Variants in SULF1 observed in about 807,000 individuals in gnomAD.
SULF1 encodes the protein extracellular sulfatase Sulf-1.
A neutral mutation model predicts 110.5 loss-of-function variants in SULF1; 46 were observed. The ratio of observed to expected loss-of-function variants is 0.42; its 90% CI spans 0.33 to 0.53. The LOEUF (loss-of-function observed/expected upper bound fraction) is 0.53. SULF1 is among the 20% of genes least tolerant of loss of function. The pLI is 0.12. For missense variants in SULF1, 941 were observed against 1,094.2 expected (o/e 0.86, Z 1.98); for synonymous variants, 371 against 387.1 (o/e 0.96, Z 0.49).
chr8:69,515,257 A>G (rs150573484), intron 3 of SULF1, among the ~76,000 whole-genome samples: 3 of 152,130 alleles, frequency 2.0e-5, no homozygotes, highest in African/African-American at 7.2e-5. Context: ...AAGCTCCCAT[A>G]CCTCAACCCT....
chr8:69,477,644 C>T (rs939364086), intron 1 of SULF1, among the ~76,000 whole-genome samples: 1 of 152,042 alleles, frequency 6.6e-6, no homozygotes, highest in Admixed American at 6.6e-5. Context: ...GAAAAAGAGG[C>T]AGGGTGGTAC....
chr8:69,612,616 AT>A (rs1212155537), intron 13 of SULF1, among the ~76,000 whole-genome samples: 1 of 151,954 alleles, frequency 6.6e-6, no homozygotes, highest in African/African-American at 2.4e-5. Flanking sequence ...GATGTTGAGT[AT>A]TTTTTCATGC....
At chr8:69,560,882 G>A (rs1222879334) in intron 3 of SULF1, among the ~76,000 whole-genome samples, 1 of 152,182 alleles carries the variant, frequency 6.6e-6, no homozygotes, top group Non-Finnish European at 1.5e-5. Flanking sequence ...ATAGAGAGAG[G>A]ACTCGTGCTG....
chr8:69,545,175 T>C (rs1814167752), intron 3 of SULF1, among the ~76,000 whole-genome samples: 1 of 99,060 alleles, frequency 1.0e-5, no homozygotes, highest in Admixed American at 1.0e-4. Context: ...AAAATATTAG[T>C]TGAGTTTGGA....
At chr8:69,559,980 T>A (rs1727747128) in intron 3 of SULF1, among the ~76,000 whole-genome samples, 1 of 152,200 alleles carries the variant, frequency 6.6e-6, no homozygotes, top group African/African-American at 2.4e-5. Flanking sequence ...TACCTACTAT[T>A]GCTTTTATGC....
At chr8:69,507,600 G>A (rs1811284787) in intron 3 of SULF1, among the ~76,000 whole-genome samples, 1 of 152,106 alleles carries the variant, frequency 6.6e-6, no homozygotes, top group Non-Finnish European at 1.5e-5. Flanking sequence ...GCATTAAATA[G>A]GGCTTAAAAC....
At chr8:69,504,720 G>A (rs1278366530) in intron 3 of SULF1, among the ~76,000 whole-genome samples, 1 of 151,946 alleles carries the variant, frequency 6.6e-6, no homozygotes, top group African/African-American at 2.4e-5. Flanking sequence ...CAAATTTAAT[G>A]TTTGGCTTCA....
chr8:69,469,810 G>A (rs1809007016), intron 1 of SULF1, among the ~76,000 whole-genome samples: 2 of 152,250 alleles, frequency 1.3e-5, no homozygotes. Context: ...GGGAGGCCGA[G>A]GCGGGTGGAT....
At position 69,576,104 on chromosome 8, in the gene SULF1, C is replaced by A. The variant is rs200955613; in HGVS notation, c.307C>A (p.His103Asn). 1.9e-6 allele frequency: 3 copies of A among 1,614,168 alleles called. No individual in the cohort carries two copies. Among genetic ancestry groups the A allele is most frequent in the Non-Finnish European group, 2.5e-6 (3 of 1,180,038 alleles). Residue 103 changes from histidine to asparagine, a missense_variant, in exon 6 of 23, where the codon CAC (histidine) becomes AAC (asparagine). This residue lies in a region of SULF1 where 822 missense variants were observed against 934.3 expected (regional missense o/e 0.88). Coordinates refer to ENST00000402687, the MANE Select transcript of SULF1 (RefSeq NM_001128205.2). ...SMLTGKYVHN[H>N]NVYTNNENCS... ...GCTCACCGGGAAGTATGTGCACAAT[C>A]ACAATGTCTACACCAACAACGAGAA...
At chr8:69,531,831 G>T (rs780443063) in intron 3 of SULF1, among the ~76,000 whole-genome samples, 5 of 152,020 alleles carry the variant, frequency 3.3e-5, no homozygotes, top group African/African-American at 1.2e-4. Context: ...GTTTCTGCTT[G>T]TAGTGGCTCC....
At chr8:69,593,631 A>G (rs1160143773) in intron 8 of SULF1, among the ~76,000 whole-genome samples, 1 of 152,174 alleles carries the variant, frequency 6.6e-6, no homozygotes, top group African/African-American at 2.4e-5. Flanking sequence ...GGTAGAGCTT[A>G]TGCTTACCAA....
At chr8:69,490,934 C>A (rs1809910249), upstream of SULF1, among the ~76,000 whole-genome samples, 1 of 152,176 alleles carries the variant, frequency 6.6e-6, no homozygotes, top group African/African-American at 2.4e-5. Context: ...GAGAGATGAT[C>A]CTACACTTGA....
chr8:69,625,929 T>C (rs1809974585), intron 15 of SULF1: 1 of 152,176 alleles, frequency 6.6e-6, no homozygotes, highest in South Asian at 2.1e-4. Context: ...CTGAGCTAGA[T>C]ACAAAGGTTC....
chr8:69,588,494 G>C lies in SULF1; in HGVS notation c.565-478G>C, dbSNP rs116482748. Among the ~76,000 whole-genome samples, 1,058 of 152,088 alleles carry C rather than the reference G, an allele frequency of 7.0e-3. 9 individuals are homozygous for C. The highest frequency in any genetic ancestry group is 0.024 in the African/African-American group (1,007 of 41,482). Reference sequence around the variant, plus strand: ...TTCTTGTGTTTATGTATTCATGGGCGTGTGTGTGTGAGCGTGTGTGTATGT... The same window carrying C: ...TTCTTGTGTTTATGTATTCATGGGCCTGTGTGTGTGAGCGTGTGTGTATGT... On this transcript the variant is annotated intron_variant, in intron 7 of 22. Transcript: ENST00000402687.
chr8:69,525,470 A>G (rs1812595540), intron 3 of SULF1, among the ~76,000 whole-genome samples: 1 of 152,164 alleles, frequency 6.6e-6, no homozygotes, highest in South Asian at 2.1e-4. Context: ...TCATTTTACA[A>G]ATCAGTAAAC....
intron 22 of SULF1, chr8:69,642,509 AC>A: frequency 1.7e-6 from 1 of 588,906 alleles, no homozygotes; most frequent in Non-Finnish European, 2.1e-6. Context: ...AGAGCAGAAG[AC>A]CCCATCCTTG....
chr8:69,470,585 T>C (rs1412412289), intron 1 of SULF1, among the ~76,000 whole-genome samples: 1 of 152,048 alleles, frequency 6.6e-6, no homozygotes, highest in Non-Finnish European at 1.5e-5. Context: ...CCCAGCGCAA[T>C]GATCATCTCA....
At position 69,629,613 on chromosome 8, in the gene SULF1, A is replaced by G; in HGVS notation, c.2218A>G (p.Ser740Gly). The G allele has an allele frequency of 6.2e-7, 1 of 1,614,008 alleles. No homozygotes were observed. Among genetic ancestry groups the G allele is most frequent in the Non-Finnish European group, 8.5e-7 (1 of 1,179,940 alleles). ...ACGGCAGAGGAAGGGGGAAGAGTGC[A>G]GCCTGCCTGGCCTCACTTGCTTCAC... ...KRRQRKGEEC[S>G]LPGLTCFTHD... The change falls in exon 19 of 23, where the codon AGC becomes GGC. Residue 740 changes from serine to glycine, a missense_variant. Physicochemically the swap from Ser to Gly is moderately conservative, Grantham distance 56. Coordinates refer to ENST00000402687, the MANE Select transcript of SULF1 (RefSeq NM_001128205.2).
At chr8:69,485,380 A>G (rs1395010661) in intron 1 of SULF1, among the ~76,000 whole-genome samples, 1 of 152,170 alleles carries the variant, frequency 6.6e-6, no homozygotes, top group African/African-American at 2.4e-5. Context: ...TAAAAACTGC[A>G]TTCGTGAAAT....
Sources: gnomAD v4.1 joint callset for allele counts (sites outside exome capture counted in the v4.1 genomes callset) on GRCh38, gnomAD v4.1.1 for gene constraint, gnomAD v4.1.1 regional missense constraint, MANE v1.5 for transcripts, NCBI Gene and HGNC (gene_info 2026-07-23, HGNC 2026-07-21) for gene names.